BBX: variants seen among roughly 807,000 people sequenced by gnomAD.
BBX encodes the protein HMG box transcription factor BBX.
In BBX, 30 loss-of-function variants were observed where a neutral mutation model predicts 100.2. The observed-to-expected ratio is 0.30, with a 90% CI of 0.22 to 0.41. The LOEUF (loss-of-function observed/expected upper bound fraction) is 0.41, where lower values mean the gene tolerates loss of function less well. Ranked by LOEUF, BBX falls within the 10% of genes least tolerant of loss-of-function variation. The probability of loss-of-function intolerance (pLI) is 1.00; values close to 1 mark genes in which losing one functional copy is unlikely to be tolerated. For synonymous variants in BBX, 376 were observed against 388.1 expected, an observed-to-expected ratio of 0.97 and a Z score of 0.37; for missense variants, 1,023 against 1,129.8, an observed-to-expected ratio of 0.91 and a Z score of 1.35.
chr3:107,683,045 A>C (rs891680750), intron 3 of BBX, among the ~76,000 whole-genome samples: 1 of 152,178 alleles, frequency 6.6e-6, no homozygotes, highest in Non-Finnish European at 1.5e-5. Context: ...AATATCAGTC[A>C]ATGCATATAC....
chr3:107,655,454 A>G (rs939665320), intron 3 of BBX, among the ~76,000 whole-genome samples: 1 of 151,578 alleles, frequency 6.6e-6, no homozygotes, highest in African/African-American at 2.4e-5. Flanking sequence ...ACAAGGAGAT[A>G]TCGTATGATT....
At chr3:107,713,531 T>C (rs2061865840) in intron 4 of BBX, among the ~76,000 whole-genome samples, 1 of 152,216 alleles carries the variant, frequency 6.6e-6, no homozygotes, top group Admixed American at 6.5e-5. Flanking sequence ...AAGAGCGTTT[T>C]TATTTGTATT....
chr3:107,810,148 C>T lies in BBX; in HGVS notation c.*4691C>T, dbSNP rs2071230284. ...TAAAAAGACAAATGTATTTGACTCC[C>T]TCATAATCCCCATCTGTATGTGCTA... is the stretch of plus-strand genomic sequence containing the variant. On this transcript the variant is annotated 3_prime_UTR_variant, in exon 18 of 18. Transcript: ENST00000325805. The T allele has an allele frequency of 6.6e-6, 1 of 151,538 alleles. No homozygotes were observed. The highest frequency in any genetic ancestry group is 1.5e-5 in the Non-Finnish European group (1 of 67,940). 9.4% of individuals were successfully genotyped at this position (151,538 alleles called of 1,614,324 possible). A position where few individuals can be genotyped will look rare whatever the true frequency, so the allele number is the denominator to read the frequency against.
chr3:107,566,650 G>T (rs1267281888), intron 2 of BBX, among the ~76,000 whole-genome samples: 1 of 150,666 alleles, frequency 6.6e-6, no homozygotes, highest in African/African-American at 2.4e-5. Flanking sequence ...TTGTTCTTTG[G>T]TCAGTTTTTA....
chr3:107,684,390 G>A (rs968834812), intron 3 of BBX, among the ~76,000 whole-genome samples: 2 of 152,062 alleles, frequency 1.3e-5, no homozygotes, highest in South Asian at 4.1e-4. Context: ...CCATAGTTGC[G>A]ATATTTTTTT....
intron 2 of BBX, among the ~76,000 whole-genome samples, chr3:107,556,657 G>T (rs1443995333): frequency 6.6e-6 from 1 of 152,078 alleles, no homozygotes; most frequent in East Asian, 1.9e-4. Flanking sequence ...ATCCTAGCAG[G>T]TTACCCATTA....
intron 2 of BBX, among the ~76,000 whole-genome samples, chr3:107,589,077 C>CT (rs778314498): frequency 6.6e-6 from 1 of 152,036 alleles, no homozygotes; most frequent in Non-Finnish European, 1.5e-5. Context: ...TCCATTTGAC[C>CT]TTTTTTACAC....
chr3:107,641,260 T>C (rs2057190781), intron 2 of BBX, among the ~76,000 whole-genome samples: 1 of 152,036 alleles, frequency 6.6e-6, no homozygotes, highest in Admixed American at 6.5e-5. Context: ...ACTTTTTGTA[T>C]TTTTAGTAGA....
At chr3:107,536,432 G>T (rs554753737) in intron 2 of BBX, among the ~76,000 whole-genome samples, 22 of 152,104 alleles carry the variant, frequency 1.4e-4, no homozygotes, top group African/African-American at 5.1e-4. Flanking sequence ...GTCTATTTTA[G>T]CAAAGTAGCT....
At position 107,593,433 on chromosome 3, in the gene BBX, G is replaced by A. The variant is rs713592; in HGVS notation, c.-83-52403G>A. Among the ~76,000 whole-genome samples the A allele has an allele frequency of 1.2e-3, 188 of 152,268 alleles. 3 individuals carry two copies. The East Asian group carries it at 0.033, about 27-fold the overall frequency. On this transcript the variant is annotated intron_variant, in intron 2 of 17. Coordinates refer to ENST00000325805, the MANE Select transcript of BBX (RefSeq NM_001142568.3). ...TGATCTGAGATTATTACTGCCTAAG[G>A]AGATAGGCTTCTAGAGTAAGTTCAG... is the stretch of plus-strand genomic sequence containing the variant.
intron 2 of BBX, among the ~76,000 whole-genome samples, chr3:107,537,478 T>A (rs1015124224): frequency 3.3e-5 from 5 of 152,306 alleles, no homozygotes; most frequent in Admixed American, 2.6e-4. Context: ...TAGCCCAATA[T>A]GGGATTCCGA....
intron 3 of BBX, among the ~76,000 whole-genome samples, chr3:107,686,161 A>C (rs2059833321): frequency 6.6e-6 from 1 of 152,196 alleles, no homozygotes; most frequent in Non-Finnish European, 1.5e-5. Context: ...TTAATAGGAA[A>C]ATACGTAAAT....
chr3:107,666,738 A>AT (rs1413401042), intron 3 of BBX, among the ~76,000 whole-genome samples: 1 of 151,986 alleles, frequency 6.6e-6, no homozygotes, highest in Non-Finnish European at 1.5e-5. Flanking sequence ...CGCCCAGCTA[A>AT]TTTTTGTATT....
chr3:107,543,453 AT>A (rs1326185544), intron 2 of BBX, among the ~76,000 whole-genome samples: 1 of 152,222 alleles, frequency 6.6e-6, no homozygotes, highest in Non-Finnish European at 1.5e-5. Flanking sequence ...TTAAACCAAA[AT>A]GTTATGTATT....
chr3:107,790,236 A>G (rs1301709098), intron 14 of BBX, among the ~76,000 whole-genome samples: 1 of 152,144 alleles, frequency 6.6e-6, no homozygotes, highest in Non-Finnish European at 1.5e-5. Context: ...CCTTCATACC[A>G]TGACCACATT....
chr3:107,750,015 G>C (rs942256666), intron 9 of BBX, among the ~76,000 whole-genome samples: 5 of 152,172 alleles, frequency 3.3e-5, no homozygotes, highest in Admixed American at 6.5e-5. Flanking sequence ...GGACTGGTTT[G>C]GTGGTGTAAT....
chr3:107,691,722 G>A (rs576381728), intron 3 of BBX, among the ~76,000 whole-genome samples: 12 of 152,086 alleles, frequency 7.9e-5, no homozygotes, highest in Non-Finnish European at 1.6e-4. Context: ...TATTAAATAC[G>A]TATATTCAAG....
intron 3 of BBX, among the ~76,000 whole-genome samples, chr3:107,698,959 T>A (rs1303847588): frequency 6.6e-6 from 1 of 151,596 alleles, no homozygotes; most frequent in Non-Finnish European, 1.5e-5. Context: ...AAAAGAAGGA[T>A]GGTGAACAAG....
intron 17 of BBX, among the ~76,000 whole-genome samples, chr3:107,804,382 A>C (rs940663390): frequency 6.6e-6 from 1 of 152,218 alleles, no homozygotes; most frequent in Non-Finnish European, 1.5e-5. Flanking sequence ...TTTTCAGCAC[A>C]GTGTTATGCA....
Sources: gnomAD v4.1 joint callset for allele counts (sites outside exome capture counted in the v4.1 genomes callset) on GRCh38, gnomAD v4.1.1 for gene constraint, MANE v1.5 for transcripts, NCBI Gene and HGNC (gene_info 2026-07-23, HGNC 2026-07-21) for gene names.